LGR6: variants seen among roughly 807,000 people sequenced by gnomAD.
LGR6 encodes the protein leucine rich repeat containing G protein-coupled receptor 6.
A neutral mutation model predicts 69.4 loss-of-function variants in LGR6; 45 were observed. That is an observed-to-expected ratio of 0.65 (90% CI 0.51 to 0.83). The LOEUF (loss-of-function observed/expected upper bound fraction) is 0.83. Among genes scored for constraint, LGR6 ranks in the 40% least tolerant of loss-of-function variants. LGR6 has a pLI of 0.00. For synonymous variants in LGR6, 538 were observed against 555.0 expected, an observed-to-expected ratio of 0.97 and a Z score of 0.43; for missense variants, 1,108 against 1,246.7, an observed-to-expected ratio of 0.89 and a Z score of 1.68.
At chr1:202,279,380 A>G (rs532714716) in intron 5 of LGR6, among the ~76,000 whole-genome samples, 14 of 152,272 alleles carry the variant, frequency 9.2e-5, no homozygotes, top group African/African-American at 2.4e-5. Context: ...GTCCTTACCC[A>G]TCTATGTTGG....
chr1:202,227,947 G>C lies in LGR6; in HGVS notation c.296G>C (p.Gly99Ala), dbSNP rs763246637. The C allele has an allele frequency of 6.2e-7, 1 of 1,613,488 alleles. No homozygotes were observed. The highest frequency in any genetic ancestry group is 1.7e-5 in the Admixed American group (1 of 59,974). The change falls in exon 3 of 18, where the codon GGG (glycine) becomes GCG (alanine). Residue 99 changes from glycine (G) to alanine (A), a missense_variant. Transcript: ENST00000367278. ...LRFLEELRLS[G>A]NHLSHIPGQA... is the part of the protein sequence containing the mutation. ...TCTCTGATTTCCAGGCGTCTCTCTGGGAACCATCTCTCACACATCCCAGGA... is the reference window on the plus strand; with the variant it reads ...TCTCTGATTTCCAGGCGTCTCTCTGCGAACCATCTCTCACACATCCCAGGA...
intron 6 of LGR6, among the ~76,000 whole-genome samples, chr1:202,286,976 A>G (rs1214825111): frequency 2.0e-5 from 3 of 151,404 alleles, no homozygotes; most frequent in Non-Finnish European, 4.4e-5. Context: ...TGTGAACTCT[A>G]CCCCCTCTGC....
chr1:202,205,674 TAC>T (rs1183776257), intron 1 of LGR6, among the ~76,000 whole-genome samples: 4 of 98,098 alleles, frequency 4.1e-5, no homozygotes, highest in African/African-American at 1.6e-4. Context: ...CCCTCAAACA[TAC>T]ACACACACCT....
In LGR6 at chr1:202,240,394, C is replaced by T. The variant is rs575434060; in HGVS notation, c.428+4401C>T. 2.4e-3 allele frequency among the ~76,000 whole-genome samples: 362 copies of T among 150,422 alleles called. 1 individual carries two copies. Among genetic ancestry groups the T allele is most frequent in the African/African-American group, 8.6e-3 (354 of 40,984 alleles). ...ATCTCAGAAAAAAAAAAAAAAACGA[C>T]ATGAAAGAACGAATGAACAGCACAA... On this transcript the variant is annotated intron_variant, in intron 4 of 17. Coordinates refer to ENST00000367278, the MANE Select transcript of LGR6 (RefSeq NM_001017403.2).
At chr1:202,284,278 T>A (rs542598569) in intron 6 of LGR6, among the ~76,000 whole-genome samples, 3 of 152,290 alleles carry the variant, frequency 2.0e-5, no homozygotes. Flanking sequence ...CAGGTCATGC[T>A]CCATCCTGCA....
At chr1:202,315,027 G>A (rs980354485) in intron 17 of LGR6, 145 bp downstream of exon 17, 10 of 640,770 alleles carry the variant, frequency 1.6e-5, no homozygotes, top group South Asian at 3.8e-5. Context: ...CCCTCCTTTC[G>A]TAATTCCTGG....
At chr1:202,202,256 G>T (rs1173868624) in intron 1 of LGR6, among the ~76,000 whole-genome samples, 1 of 152,152 alleles carries the variant, frequency 6.6e-6, no homozygotes, top group African/African-American at 2.4e-5. Context: ...CTAGAGCAGG[G>T]TTTTCTGCCC....
intron 1 of LGR6, among the ~76,000 whole-genome samples, chr1:202,209,739 C>T (rs894722022): frequency 3.3e-5 from 5 of 152,238 alleles, no homozygotes; most frequent in Non-Finnish European, 5.9e-5. Flanking sequence ...AGCATAGCAT[C>T]GGCATCATCT....
At chr1:202,235,344 T>C (rs906488335) in intron 3 of LGR6, among the ~76,000 whole-genome samples, 1 of 152,230 alleles carries the variant, frequency 6.6e-6, no homozygotes, top group African/African-American at 2.4e-5. Flanking sequence ...GGCACAGCAC[T>C]TCTTTGAGGG....
At chr1:202,231,102 C>T (rs1660998855) in intron 3 of LGR6, among the ~76,000 whole-genome samples, 1 of 152,220 alleles carries the variant, frequency 6.6e-6, no homozygotes, top group African/African-American at 2.4e-5. Flanking sequence ...ATATGAAACC[C>T]TGGCTCCAGG....
Position 202,318,088 on chromosome 1 carries a change from C to T in LGR6, c.1785C>T (p.Pro595=). ...TVFAGGPVPL[P]PVKFVVGAIA... ...TCGCTGGCGGGCCTGTCCCCCTGCC[C>T]CCGGTCAAGTTTGTGGTAGGTGCGA... The change falls in exon 18 of 18, where the codon CCC becomes CCT. Residue 595 remains proline, a synonymous_variant. Coordinates refer to ENST00000367278, the MANE Select transcript of LGR6 (RefSeq NM_001017403.2). 6.2e-7 allele frequency: 1 copy of T among 1,614,192 alleles called. No individual in the cohort carries two copies. The highest frequency in any genetic ancestry group is 8.5e-7 in the Non-Finnish European group (1 of 1,180,028).
intron 6 of LGR6, among the ~76,000 whole-genome samples, chr1:202,291,788 T>C (rs1263718163): frequency 6.6e-6 from 1 of 152,236 alleles, no homozygotes; most frequent in Non-Finnish European, 1.5e-5. Context: ...CTCAAAGGGT[T>C]GGCATGGCAA....
Position 202,319,156 on chromosome 1 carries a change from A to G in LGR6, c.2853A>G (p.Ser951=). The G allele has an allele frequency of 6.2e-7, 1 of 1,613,490 alleles. No homozygotes were observed. Among genetic ancestry groups the G allele is most frequent in the South Asian group, 1.1e-5 (1 of 91,010 alleles). The change falls in exon 18 of 18, where the codon TCA becomes TCG. Residue 951 remains serine, a synonymous_variant. Coordinates refer to ENST00000367278, the MANE Select transcript of LGR6 (RefSeq NM_001017403.2). ...CTACGCCAGCAGGTGGAGGCTTGTC[A>G]GGGGGTGGCGGCTTTCAGCCCTCTG... is the stretch of plus-strand genomic sequence containing the variant. ...EGSTPAGGGL[S]GGGGFQPSGL... is the part of the protein sequence containing the mutation.
intron 6 of LGR6, among the ~76,000 whole-genome samples, chr1:202,293,624 G>A (rs1434492086): frequency 6.6e-6 from 1 of 152,122 alleles, no homozygotes; most frequent in Middle Eastern, 3.2e-3. Context: ...GGAGAGAGTT[G>A]CAAAGACATG....
At chr1:202,306,024 T>TG (rs765438474) in intron 12 of LGR6, among the ~76,000 whole-genome samples, 13 of 152,068 alleles carry the variant, frequency 8.5e-5, no homozygotes, top group Non-Finnish European at 1.8e-4. Context: ...AACACAGAAA[T>TG]GCAGTAGTGA....
intron 4 of LGR6, among the ~76,000 whole-genome samples, chr1:202,258,452 T>C (rs79763747): frequency 6.6e-6 from 1 of 152,054 alleles, no homozygotes; most frequent in East Asian, 1.9e-4. Context: ...TTATTATTTC[T>C]CTTAATTCAA....
intron 1 of LGR6, among the ~76,000 whole-genome samples, chr1:202,206,948 C>T (rs537996646): frequency 1.2e-4 from 18 of 149,936 alleles, no homozygotes; most frequent in South Asian, 6.4e-4. Flanking sequence ...GACAGAGTCT[C>T]GCTCTGTCAC....
chr1:202,194,323 G>GC (rs1029093715), intron 1 of LGR6, 122 bp downstream of exon 1: 11 of 659,992 alleles, frequency 1.7e-5, no homozygotes. Flanking sequence ...GAGAGGGTTT[G>GC]CCCCCTTCCA....
Position 202,263,217 on chromosome 1 carries a change from G to A in LGR6, c.429-13089G>A, listed in dbSNP as rs113468246. On this transcript the variant is annotated intron_variant, in intron 4 of 17. Transcript: ENST00000367278. The stretch of plus-strand genomic sequence containing the variant: ...GGCGCACTGCAACCTCCGCCTCCCG[G>A]GTTCAAGCAATTCTCCTGCCTCAGC... Among the ~76,000 whole-genome samples, 5 of 152,134 alleles carry A rather than the reference G, an allele frequency of 3.3e-5. 2 individuals carry two copies. The highest frequency in any genetic ancestry group is 1.2e-4 in the African/African-American group (5 of 41,484).
Sources: allele counts gnomAD v4.1 joint callset (sites outside exome capture counted in the v4.1 genomes callset), GRCh38; gene constraint gnomAD v4.1.1; transcripts MANE v1.5; gene names NCBI Gene and HGNC (gene_info 2026-07-23, HGNC 2026-07-21).